ARHGAP15: variants seen among roughly 807,000 people sequenced by gnomAD.
ARHGAP15 encodes Rho GTPase activating protein 15, also known as rho GTPase-activating protein 15.
ARHGAP15 carries 51 observed loss-of-function variants against 63.7 expected under a neutral mutation model. The ratio of observed to expected loss-of-function variants is 0.80; its 90% CI spans 0.64 to 1.01. ARHGAP15 has a LOEUF of 1.01. Among genes scored for constraint, ARHGAP15 ranks in the 50% least tolerant of loss-of-function variants. ARHGAP15 has a pLI of 0.00. For synonymous variants in ARHGAP15, 191 were observed against 193.8 expected (o/e 0.99, Z 0.12); for missense variants, 560 against 564.6 (o/e 0.99, Z 0.08).
intron 4 of ARHGAP15, among the ~76,000 whole-genome samples, chr2:143,218,277 CTTTTTTTT>C (rs762494225): frequency 4.2e-4 from 39 of 92,046 alleles, no homozygotes; most frequent in African/African-American, 1.1e-3. Flanking sequence ...TTTAGTTTTC[CTTTTTTTT>C]TTTTTTTTTT....
intron 11 of ARHGAP15, among the ~76,000 whole-genome samples, chr2:143,610,781 T>C (rs1296241100): frequency 6.6e-6 from 1 of 152,134 alleles, no homozygotes; most frequent in African/African-American, 2.4e-5. Context: ...CAGGGTACAG[T>C]GCAGTGGTGT....
chr2:143,648,689 A>G (rs965050507), intron 12 of ARHGAP15: 3 of 152,030 alleles, frequency 2.0e-5, no homozygotes, highest in Non-Finnish European at 4.4e-5. Flanking sequence ...AATGGCTTTA[A>G]ATTTCTAAAT....
chr2:143,668,474 A>G (rs1465554080), intron 12 of ARHGAP15, among the ~76,000 whole-genome samples: 2 of 152,176 alleles, frequency 1.3e-5, no homozygotes, highest in East Asian at 1.9e-4. Flanking sequence ...CTACCCATGT[A>G]TGCAGATCCA....
rs556002523 is a variant in ARHGAP15, at chr2:143,612,259, G to A, written c.1004-11874G>A. ...ATTTTGATCCATTTCATACCTCTTT[G>A]CTAGAACAGTGGTCCTCAGAGTTTA... is the stretch of plus-strand genomic sequence containing the variant. On this transcript the variant is annotated intron_variant, in intron 11 of 13. Coordinates refer to ENST00000295095, the MANE Select transcript of ARHGAP15 (RefSeq NM_018460.4). Among the ~76,000 whole-genome samples, 12 of 152,254 alleles carry A rather than the reference G, an allele frequency of 7.9e-5. No homozygotes were observed. In the South Asian group the frequency reaches 1.2e-3, roughly 16 times the overall value.
intron 11 of ARHGAP15, among the ~76,000 whole-genome samples, chr2:143,575,886 A>G (rs1193083722): frequency 6.6e-6 from 1 of 152,086 alleles, no homozygotes; most frequent in Non-Finnish European, 1.5e-5. Context: ...TTTGCTTTCC[A>G]TGTTAATAGT....
At chr2:143,442,396 C>T (rs568623743) in intron 8 of ARHGAP15, among the ~76,000 whole-genome samples, 1 of 152,200 alleles carries the variant, frequency 6.6e-6, no homozygotes, top group South Asian at 2.1e-4. Context: ...TTCCCAGTAG[C>T]ATTGCTTTCG....
At chr2:143,398,077 C>A (rs1157829751) in intron 6 of ARHGAP15, among the ~76,000 whole-genome samples, 1 of 152,052 alleles carries the variant, frequency 6.6e-6, no homozygotes, top group Non-Finnish European at 1.5e-5. Context: ...AACTATGAGT[C>A]ATCTTTATTT....
At chr2:143,419,713 ATACAT>A (rs1165675812) in intron 6 of ARHGAP15, among the ~76,000 whole-genome samples, 31 of 152,088 alleles carry the variant, frequency 2.0e-4, no homozygotes, top group Admixed American at 1.9e-3. Context: ...CTGAAGGAAA[ATACAT>A]TAAATACTAA....
chr2:143,601,053 A>G (rs1697749145), intron 11 of ARHGAP15, among the ~76,000 whole-genome samples: 2 of 152,120 alleles, frequency 1.3e-5, no homozygotes, highest in African/African-American at 4.8e-5. Context: ...GCAATATGGT[A>G]GTTCTGAACG....
At chr2:143,336,458 T>TTCATCC (rs1684779493) in intron 6 of ARHGAP15, among the ~76,000 whole-genome samples, 1 of 152,218 alleles carries the variant, frequency 6.6e-6, no homozygotes, top group African/African-American at 2.4e-5. Context: ...CGGAGGGCAG[T>TTCATCC]TCATCCTCAC....
intron 13 of ARHGAP15, among the ~76,000 whole-genome samples, chr2:143,726,706 G>A (rs1203312265): frequency 6.6e-6 from 1 of 152,172 alleles, no homozygotes; most frequent in Non-Finnish European, 1.5e-5. Flanking sequence ...TTCAAGTGAC[G>A]AAAAATATTT....
intron 6 of ARHGAP15, among the ~76,000 whole-genome samples, chr2:143,334,702 T>A (rs553216022): frequency 6.6e-6 from 1 of 152,310 alleles, no homozygotes; most frequent in East Asian, 1.9e-4. Context: ...ACTCAAATAT[T>A]TCATACTAAA....
chr2:143,592,677 G>A (rs1697367171), intron 11 of ARHGAP15, among the ~76,000 whole-genome samples: 1 of 152,206 alleles, frequency 6.6e-6, no homozygotes, highest in Non-Finnish European at 1.5e-5. Flanking sequence ...ATGCCAAGAA[G>A]AGAAGACTTA....
intron 6 of ARHGAP15, among the ~76,000 whole-genome samples, chr2:143,307,827 T>A (rs1320351451): frequency 6.6e-6 from 1 of 152,120 alleles, no homozygotes; most frequent in Non-Finnish European, 1.5e-5. Flanking sequence ...TTCTACGATA[T>A]AATTCTTATG....
At chr2:143,318,576 C>T (rs1683842739) in intron 6 of ARHGAP15, among the ~76,000 whole-genome samples, 3 of 102,674 alleles carry the variant, frequency 2.9e-5, no homozygotes, top group Admixed American at 2.7e-4. Context: ...TTCCTATATT[C>T]AAAAGCAACT....
chr2:143,324,093 CTACTACT>C (rs962631424), intron 6 of ARHGAP15, among the ~76,000 whole-genome samples: 19 of 152,072 alleles, frequency 1.2e-4, no homozygotes, highest in African/African-American at 4.6e-4. Context: ...AATGTCAACT[CTACTACT>C]TACTAGTTTT....
intron 8 of ARHGAP15, among the ~76,000 whole-genome samples, chr2:143,450,047 CT>C (rs71301730): frequency 0.1 from 13,942 of 137,006 alleles, 814 homozygotes; most frequent in African/African-American, 0.18. Flanking sequence ...AATAATTAAT[CT>C]TTTTTTTTTT....
At chr2:143,133,813 A>G (rs1031688517) in intron 1 of ARHGAP15, among the ~76,000 whole-genome samples, 3 of 152,268 alleles carry the variant, frequency 2.0e-5, no homozygotes, top group Admixed American at 6.5e-5. Context: ...TTTAATATAT[A>G]TATTTATACT....
intron 2 of ARHGAP15, chr2:143,193,545 A>G (rs1489560667): frequency 1.3e-5 from 2 of 152,658 alleles, no homozygotes; most frequent in Non-Finnish European, 2.9e-5. Context: ...AAGAAAGGAA[A>G]CTGGGAGGAT....
Sources: allele counts gnomAD v4.1 joint callset (sites outside exome capture counted in the v4.1 genomes callset), GRCh38; gene constraint gnomAD v4.1.1; transcripts MANE v1.5; gene names NCBI Gene and HGNC (gene_info 2026-07-23, HGNC 2026-07-21).